DCLK1: variants seen among roughly 807,000 people sequenced by gnomAD.
DCLK1 encodes the protein doublecortin like kinase 1, also known as serine/threonine-protein kinase DCLK1.
DCLK1 carries 16 observed loss-of-function variants against 86.2 expected under a neutral mutation model. The ratio of observed to expected loss-of-function variants is 0.19; its 90% confidence interval spans 0.13 to 0.28. The LOEUF is 0.28. Among genes scored for constraint, DCLK1 ranks in the 10% least tolerant of loss-of-function variants. The pLI is 1.00. For missense variants in DCLK1, 590 were observed against 940.2 expected (o/e 0.63, Z 4.87); for synonymous variants, 369 against 370.5 (o/e 1.00, Z 0.05).
At chr13:35,833,407 C>T (rs2153107035) in intron 8 of DCLK1, among the ~76,000 whole-genome samples, 1 of 152,236 alleles carries the variant, frequency 6.6e-6, no homozygotes. Context: ...TGCTATGGGG[C>T]CTCAAAATGC....
intron 11 of DCLK1, among the ~76,000 whole-genome samples, chr13:35,817,222 C>T (rs766905308): frequency 2.0e-5 from 3 of 152,164 alleles, no homozygotes; most frequent in Non-Finnish European, 4.4e-5. Context: ...TCCTTCCTGT[C>T]CTCATCTCCC....
chr13:35,911,415 C>T (rs745956217), intron 4 of DCLK1, among the ~76,000 whole-genome samples: 21 of 152,136 alleles, frequency 1.4e-4, no homozygotes, highest in Non-Finnish European at 2.9e-4. Context: ...GTCTGCCCAC[C>T]ACCACAGGAC....
chr13:35,854,755 C>T (rs1870925442), intron 5 of DCLK1, among the ~76,000 whole-genome samples, 162 bp from the exon 6 acceptor site: 1 of 152,190 alleles, frequency 6.6e-6, no homozygotes, highest in African/African-American at 2.4e-5. Flanking sequence ...GGGAAGTAAC[C>T]TTCAGAGAGT....
intron 3 of DCLK1, among the ~76,000 whole-genome samples, chr13:35,961,474 G>T (rs756239007): frequency 6.6e-5 from 10 of 152,168 alleles, no homozygotes; most frequent in Non-Finnish European, 1.2e-4. Flanking sequence ...CATTCAAACT[G>T]CAATCAACAT....
At chr13:36,024,488 T>C (rs1280783713) in intron 3 of DCLK1, among the ~76,000 whole-genome samples, 1 of 151,910 alleles carries the variant, frequency 6.6e-6, no homozygotes. Flanking sequence ...CACAATAGCA[T>C]CAAAAAGAAT....
intron 3 of DCLK1, among the ~76,000 whole-genome samples, chr13:35,959,284 G>A (rs1251207649): frequency 2.0e-5 from 3 of 152,116 alleles, no homozygotes; most frequent in Non-Finnish European, 4.4e-5. Flanking sequence ...ATGAACTAAG[G>A]CATAAAGCAT....
chr13:35,783,615 C>T lies in DCLK1; in HGVS notation c.2059-8916G>A, dbSNP rs1230632905. ...ATGACTTTTTTTTGAGACGGAGATT[C>T]GCTCTTGCTGCCCAGGCTGGAGTGC... On this transcript the variant is annotated intron_variant, in intron 16 of 16. Transcript: ENST00000360631. Among the ~76,000 whole-genome samples the T allele has an allele frequency of 4.6e-5, 7 of 152,154 alleles. No individual in the cohort carries two copies. In the South Asian group the frequency reaches 1.2e-3, roughly 27 times the overall value.
rs1255562812 is a variant in DCLK1 at position 36,091,986 on chromosome 13, AT to A, written c.723+19882del. Among the ~76,000 whole-genome samples, 3 of 152,296 alleles carry A rather than the reference AT, an allele frequency of 2.0e-5. No homozygotes were observed. In the East Asian group the frequency reaches 5.8e-4, roughly 29 times the overall value. ...TTCTATGTTGTTTATTTTGCCTAGA[AT>A]GTCCTCTCATCATCTTTTCTACTTG... On this transcript the variant is annotated intron_variant, in intron 3 of 16. Transcript: ENST00000360631.
chr13:35,893,234 G>A (rs1873749924), intron 4 of DCLK1, among the ~76,000 whole-genome samples: 1 of 152,164 alleles, frequency 6.6e-6, no homozygotes. Context: ...AGCTTTCCCA[G>A]AAAGATTTGA....
rs1839659752 is a variant in DCLK1, at chr13:35,846,835, T to A, written c.1036-7659A>T. On this transcript the variant is annotated intron_variant, in intron 6 of 16. Coordinates refer to ENST00000360631, the MANE Select transcript of DCLK1 (RefSeq NM_001330071.2). ...ACATTTTCAAGTGTGTATATATTTA[T>A]GTAGATATATACACACATACAGCAA... 6 of 982,292 alleles carry A rather than the reference T, an allele frequency of 6.1e-6. No homozygotes were observed. In the African/African-American group the frequency reaches 1.0e-4, roughly 17 times the overall value. The allele number at this position is 982,292 out of a possible 1,614,324, so 60.8% of individuals were successfully genotyped here.
At chr13:35,801,766 G>A (rs1224294702) in intron 15 of DCLK1, among the ~76,000 whole-genome samples, 1 of 152,126 alleles carries the variant, frequency 6.6e-6, no homozygotes, top group African/African-American at 2.4e-5. Flanking sequence ...ACTGGTAACA[G>A]CCAGAAGCCT....
intron 3 of DCLK1, among the ~76,000 whole-genome samples, chr13:35,972,011 C>T (rs1398344364): frequency 1.3e-5 from 2 of 152,156 alleles, no homozygotes; most frequent in African/African-American, 4.8e-5. Flanking sequence ...ACTGCACTCC[C>T]AGGAGCTTCT....
At chr13:35,794,034 C>A (rs1476152933) in intron 15 of DCLK1, among the ~76,000 whole-genome samples, 1 of 152,184 alleles carries the variant, frequency 6.6e-6, no homozygotes, top group Non-Finnish European at 1.5e-5. Flanking sequence ...GTCTTTCTTG[C>A]TGCCTTCAAA....
chr13:36,056,322 T>C (rs1233253791), intron 3 of DCLK1, among the ~76,000 whole-genome samples: 994 of 95,762 alleles, frequency 0.01, 16 homozygotes, highest in African/African-American at 0.039. Flanking sequence ...TGTAGGGACA[T>C]GGATGAAATT....
chr13:35,916,772 C>G (rs145844138), intron 4 of DCLK1, among the ~76,000 whole-genome samples: 1 of 152,140 alleles, frequency 6.6e-6, no homozygotes, highest in Non-Finnish European at 1.5e-5. Context: ...AAAAAATGCT[C>G]ATGGGATTGT....
Position 35,804,323 on chromosome 13 carries a change from G to A in DCLK1, c.1944+1376C>T, listed in dbSNP as rs537713972. 2.7e-5 allele frequency among the ~76,000 whole-genome samples: 4 copies of A among 150,386 alleles called. No individual in the cohort carries two copies. The East Asian group carries it at 5.9e-4, about 22-fold the overall frequency. On this transcript the variant is annotated intron_variant, in intron 15 of 16. Coordinates refer to ENST00000360631, the MANE Select transcript of DCLK1 (RefSeq NM_001330071.2). ...TTTTTTTTTTTTTTTTAATAGAGAC[G>A]GGGTTTAGCCATGTTGGCCAGGCTG...
chr13:35,864,074 A>G (rs78763111), intron 5 of DCLK1, among the ~76,000 whole-genome samples: 245 of 152,258 alleles, frequency 1.6e-3, no homozygotes, highest in African/African-American at 5.2e-3. Context: ...CCGGTCCACT[A>G]TAGATTCTCA....
chr13:36,043,373 G>GA (rs1395846160), intron 3 of DCLK1, among the ~76,000 whole-genome samples: 2 of 151,438 alleles, frequency 1.3e-5, no homozygotes, highest in African/African-American at 2.4e-5. Context: ...CAGTAAGTCA[G>GA]AAAAAAATTA....
chr13:35,860,651 C>T (rs1021528072), intron 5 of DCLK1, among the ~76,000 whole-genome samples: 1 of 152,210 alleles, frequency 6.6e-6, no homozygotes, highest in Non-Finnish European at 1.5e-5. Flanking sequence ...CCTAGTGTTT[C>T]TCAATTCATT....
Sources: gnomAD v4.1 joint callset for allele counts (sites outside exome capture counted in the v4.1 genomes callset) on GRCh38, gnomAD v4.1.1 for gene constraint, MANE v1.5 for transcripts, NCBI Gene and HGNC (gene_info 2026-07-23, HGNC 2026-07-21) for gene names.